The following CDC73 variants were observed in gnomAD, a reference collection of about 807,000 sequenced individuals.
CDC73 encodes cell division cycle 73, also known as parafibromin.
Under a neutral mutation model 83.7 loss-of-function variants are expected in CDC73, and 21 were observed. That is an observed-to-expected ratio of 0.25 (90% CI 0.18 to 0.36). The LOEUF (loss-of-function observed/expected upper bound fraction) is 0.36. Ranked by LOEUF, CDC73 falls within the 10% of genes least tolerant of loss-of-function variation. The pLI is 1.00. For synonymous variants in CDC73, 224 were observed against 212.9 expected (o/e 1.05, Z -0.45); for missense variants, 342 against 653.3 (o/e 0.52, Z 5.19).
In CDC73 at chr1:193,251,014, G is replaced by A; in HGVS notation, c.*302G>A. ...GAAAATAAATGCAGGTTATAAATGTGTGTATATTTAGAGATTATAAGGCTC... is the reference window on the plus strand; with the variant it reads ...GAAAATAAATGCAGGTTATAAATGTATGTATATTTAGAGATTATAAGGCTC... On this transcript the variant is annotated 3_prime_UTR_variant, in exon 17 of 17. Transcript: ENST00000367435. 1 of 392,286 alleles carries A rather than the reference G, an allele frequency of 2.5e-6. No individual in the cohort carries two copies. The highest frequency in any genetic ancestry group is 4.0e-5 in the South Asian group (1 of 25,140). 24.3% of individuals were successfully genotyped at this position (392,286 alleles called of 1,614,324 possible).
intron 10 of CDC73, among the ~76,000 whole-genome samples, chr1:193,164,356 G>A (rs1170920051): frequency 6.6e-6 from 1 of 152,184 alleles, no homozygotes; most frequent in Non-Finnish European, 1.5e-5. Context: ...TTAGTAATTT[G>A]CTGTAGCCCA....
chr1:193,237,432 A>G (rs1248339158), intron 15 of CDC73, among the ~76,000 whole-genome samples: 3 of 152,170 alleles, frequency 2.0e-5, no homozygotes, highest in African/African-American at 7.2e-5. Flanking sequence ...AGGTTTTGCA[A>G]AAGCTTTGAA....
chr1:193,144,204 C>T (rs1006785899), intron 7 of CDC73, among the ~76,000 whole-genome samples: 2 of 150,510 alleles, frequency 1.3e-5, no homozygotes, highest in South Asian at 2.1e-4. Context: ...TTTATAATGC[C>T]GTTTAGAAAA....
intron 6 of CDC73, among the ~76,000 whole-genome samples, chr1:193,140,309 A>G (rs772764475): frequency 7.9e-5 from 12 of 152,170 alleles, no homozygotes; most frequent in Non-Finnish European, 1.3e-4. Context: ...AGTCTCTGGT[A>G]CTTCATCTTG....
intron 11 of CDC73, among the ~76,000 whole-genome samples, chr1:193,204,199 A>G (rs1677140085): frequency 1.4e-5 from 1 of 71,188 alleles, no homozygotes; most frequent in Non-Finnish European, 3.1e-5. Flanking sequence ...ACACACATAT[A>G]TATACGTGTA....
At chr1:193,205,344 C>T (rs1387131715) in intron 11 of CDC73, among the ~76,000 whole-genome samples, 3 of 151,842 alleles carry the variant, frequency 2.0e-5, no homozygotes, top group African/African-American at 7.3e-5. Context: ...TTTGGATATC[C>T]TCATTCATAG....
chr1:193,152,484 A>G (rs776715553), intron 10 of CDC73, 40 bp downstream of exon 10: 8 of 1,298,470 alleles, frequency 6.2e-6, no homozygotes, highest in Non-Finnish European at 9.0e-6. Context: ...TGTTCCAGGG[A>G]TTTTATGTGA....
chr1:193,229,733 A>T (rs974514111), intron 13 of CDC73, among the ~76,000 whole-genome samples: 29 of 152,274 alleles, frequency 1.9e-4, no homozygotes, highest in Non-Finnish European at 1.0e-4. Flanking sequence ...ATAAAAAATA[A>T]TGAACTACTG....
chr1:193,130,376 C>T, intron 3 of CDC73, 133 bp downstream of exon 3: 1 of 712,992 alleles, frequency 1.4e-6, no homozygotes, highest in East Asian at 2.7e-5. Context: ...TGTCCATGTG[C>T]TCACCTTTTT....
chr1:193,229,295 C>T (rs1385514912), intron 13 of CDC73, among the ~76,000 whole-genome samples: 2 of 152,168 alleles, frequency 1.3e-5, no homozygotes, highest in Admixed American at 1.3e-4. Context: ...TTGTACGAAC[C>T]CAGACCTTGA....
In CDC73 at chr1:193,135,524, C is replaced by A. The variant is rs751195516; in HGVS notation, c.371-13C>A. 1 of 1,613,302 alleles carries A rather than the reference C, an allele frequency of 6.2e-7. No homozygotes were observed. The highest frequency in any genetic ancestry group is 8.5e-7 in the Non-Finnish European group (1 of 1,179,356). On this transcript the variant is annotated splice_polypyrimidine_tract_variant and intron_variant, in intron 4 of 16. Coordinates refer to ENST00000367435, the MANE Select transcript of CDC73 (RefSeq NM_024529.5). ...CAAAACTACACATTTATTTACTTCT[C>A]TTTCTTTTATAGTCAAACGAGCTGC... is the stretch of plus-strand genomic sequence containing the variant.
chr1:193,203,710 A>T, intron 10 of CDC73, 85 bp from the exon 11 acceptor site: 1 of 1,055,566 alleles, frequency 9.5e-7, no homozygotes, highest in Non-Finnish European at 1.5e-6. Context: ...AGAGACAGAG[A>T]GATATGAGAT....
At chr1:193,159,264 G>A (rs1676265933) in intron 10 of CDC73, among the ~76,000 whole-genome samples, 1 of 152,172 alleles carries the variant, frequency 6.6e-6, no homozygotes, top group Non-Finnish European at 1.5e-5. Flanking sequence ...TTTCTCATCA[G>A]AAAGGTGGTA....
chr1:193,128,771 G>A (rs1208061702), intron 2 of CDC73, among the ~76,000 whole-genome samples: 1 of 152,148 alleles, frequency 6.6e-6, no homozygotes, highest in Non-Finnish European at 1.5e-5. Flanking sequence ...AGAATGTTTG[G>A]TGCAGTAAAT....
At chr1:193,132,757 T>C (rs1053856882) in intron 3 of CDC73, among the ~76,000 whole-genome samples, 2 of 152,118 alleles carry the variant, frequency 1.3e-5, no homozygotes, top group Non-Finnish European at 2.9e-5. Flanking sequence ...ATATAAGGTC[T>C]AAGATTCTCT....
At chr1:193,217,007 C>A (rs112334549) in intron 13 of CDC73, among the ~76,000 whole-genome samples, 7 of 151,300 alleles carry the variant, frequency 4.6e-5, no homozygotes, top group Non-Finnish European at 1.0e-4. Context: ...AAGCTGGAAG[C>A]ATTCCCCCTG....
At chr1:193,210,085 A>T (rs1269764835) in intron 11 of CDC73, among the ~76,000 whole-genome samples, 1 of 152,124 alleles carries the variant, frequency 6.6e-6, no homozygotes, top group African/African-American at 2.4e-5. Flanking sequence ...TTGATTTAAG[A>T]AAATTCTAGT....
At chr1:193,240,253 T>G (rs139613809) in intron 15 of CDC73, among the ~76,000 whole-genome samples, 1 of 152,362 alleles carries the variant, frequency 6.6e-6, no homozygotes, top group African/African-American at 2.4e-5. Flanking sequence ...CTACATTTTC[T>G]TTATTCATCT....
chr1:193,236,900 T>C (rs1019153825), intron 15 of CDC73: 3 of 152,342 alleles, frequency 2.0e-5, no homozygotes, highest in African/African-American at 7.3e-5. Flanking sequence ...GAAAAAAAAA[T>C]TAATACTGTT....
Sources: gnomAD v4.1 joint callset for allele counts (sites outside exome capture counted in the v4.1 genomes callset) on GRCh38, gnomAD v4.1.1 for gene constraint, MANE v1.5 for transcripts, NCBI Gene and HGNC (gene_info 2026-07-23, HGNC 2026-07-21) for gene names.